The following JMJD1C variants were observed in gnomAD, a reference collection of about 807,000 sequenced individuals.
JMJD1C encodes the protein jumonji domain containing 1C.
Under a neutral mutation model 245.3 loss-of-function variants are expected in JMJD1C, and 31 were observed. The observed-to-expected ratio is 0.13, with a 90% CI of 0.09 to 0.17. The LOEUF is 0.17. JMJD1C is among the 10% of genes least tolerant of loss of function. JMJD1C has a pLI of 1.00. For synonymous variants in JMJD1C, 1,057 were observed against 1,017.4 expected (o/e 1.04, Z -0.74); for missense variants, 2,691 against 3,000.2 (o/e 0.90, Z 2.41).
intron 1 of JMJD1C, among the ~76,000 whole-genome samples, chr10:63,474,714 T>C (rs1448608560): frequency 6.6e-6 from 1 of 152,154 alleles, no homozygotes; most frequent in Non-Finnish European, 1.5e-5. Context: ...CCTCCCAAAG[T>C]GCTGGGACTG....
intron 12 of JMJD1C, 91 bp downstream of exon 12, chr10:63,198,422 A>C: frequency 1.3e-6 from 1 of 784,784 alleles, no homozygotes; most frequent in South Asian, 1.9e-5. Flanking sequence ...TCAAGGTTAG[A>C]TAAGATTAGG....
chr10:63,337,812 G>A (rs937055225), intron 2 of JMJD1C, among the ~76,000 whole-genome samples: 2 of 151,868 alleles, frequency 1.3e-5, no homozygotes, highest in Admixed American at 6.6e-5. Flanking sequence ...CAGAGGTAAG[G>A]TATATTTAGT....
intron 2 of JMJD1C, among the ~76,000 whole-genome samples, chr10:63,294,601 A>C (rs757196852): frequency 6.6e-6 from 1 of 152,192 alleles, no homozygotes; most frequent in Non-Finnish European, 1.5e-5. Flanking sequence ...TCCAAGGCCT[A>C]GTTCAAACAT....
At chr10:63,350,616 CTTTT>C (rs71025164) in intron 2 of JMJD1C, among the ~76,000 whole-genome samples, 2 of 119,376 alleles carry the variant, frequency 1.7e-5, no homozygotes, top group Admixed American at 8.1e-5. Flanking sequence ...GCAGAACCAA[CTTTT>C]TTTTTTTTTT....
chr10:63,500,055 A>G (rs1954495144), intron 1 of JMJD1C, among the ~76,000 whole-genome samples: 1 of 152,254 alleles, frequency 6.6e-6, no homozygotes, highest in Non-Finnish European at 1.5e-5. Context: ...TACTAGGGGT[A>G]AATGTAAATA....
At chr10:63,248,529 G>GATAGATAGATTAAATAAATAAATAA (rs566828473) in intron 3 of JMJD1C, among the ~76,000 whole-genome samples, 6 of 137,058 alleles carry the variant, frequency 4.4e-5, no homozygotes, top group Admixed American at 3.8e-4. Context: ...TCAATAGATA[G>GATAGATAGATTAAATAAATAAATAA]ATAAATAAAT....
intron 1 of JMJD1C, among the ~76,000 whole-genome samples, chr10:63,431,145 C>G (rs1950721999): frequency 6.6e-6 from 1 of 152,130 alleles, no homozygotes; most frequent in Admixed American, 6.5e-5. Flanking sequence ...CCAAGTATAT[C>G]TACTGGTCTG....
intron 2 of JMJD1C, among the ~76,000 whole-genome samples, chr10:63,327,090 G>C (rs1340612367): frequency 8.5e-5 from 13 of 152,136 alleles, no homozygotes; most frequent in Admixed American, 8.5e-4. Flanking sequence ...AGGAGGCTGA[G>C]GTAGGAGAAT....
rs551642996 is a variant in JMJD1C at position 63,484,103 on chromosome 10, C to T, written n.113+37635G>A. Among the ~76,000 whole-genome samples, 237 of 151,962 alleles carry T rather than the reference C, an allele frequency of 1.6e-3. 1 individual carries two copies. The highest frequency in any genetic ancestry group is 2.4e-3 in the Non-Finnish European group (162 of 67,946). ...TCACAGTGATAGGAAGTGACAGAAC[C>T]AGGACTGGATTGCAAGCTTCCAAAG... is the stretch of plus-strand genomic sequence containing the variant. On this transcript the variant is annotated intron_variant and non_coding_transcript_variant, in intron 1 of 3. Coordinates refer to the JMJD1C transcript ENST00000633035.
At chr10:63,175,384 A>G (rs944945745) in intron 24 of JMJD1C, among the ~76,000 whole-genome samples, 3 of 152,238 alleles carry the variant, frequency 2.0e-5, no homozygotes, top group Admixed American at 2.0e-4. Flanking sequence ...ATTTATTATT[A>G]TGACATTTGT....
chr10:63,463,148 T>A (rs1056254268), intron 1 of JMJD1C, among the ~76,000 whole-genome samples: 3 of 152,116 alleles, frequency 2.0e-5, no homozygotes, highest in African/African-American at 7.2e-5. Flanking sequence ...ACATTTTCCA[T>A]ATACTTTCTT....
At chr10:63,355,642 T>C (rs1944774636) in intron 2 of JMJD1C, among the ~76,000 whole-genome samples, 1 of 152,136 alleles carries the variant, frequency 6.6e-6, no homozygotes, top group South Asian at 2.1e-4. Flanking sequence ...AGAGAACTTT[T>C]CCAGTGACAG....
chr10:63,488,541 T>TAAA (rs34776341), intron 1 of JMJD1C, among the ~76,000 whole-genome samples: 3 of 149,218 alleles, frequency 2.0e-5, no homozygotes, highest in Admixed American at 6.7e-5. Flanking sequence ...AAATGAATGT[T>TAAA]AAAAAAAAAA....
At chr10:63,293,803 T>A (rs1029908084) in intron 2 of JMJD1C, among the ~76,000 whole-genome samples, 6 of 151,590 alleles carry the variant, frequency 4.0e-5, no homozygotes, top group African/African-American at 1.5e-4. Flanking sequence ...TTTTTTTCAA[T>A]CTTCCCAGAT....
chr10:63,425,508 G>A (rs999030213), intron 1 of JMJD1C, among the ~76,000 whole-genome samples: 3 of 152,148 alleles, frequency 2.0e-5, no homozygotes, highest in African/African-American at 2.4e-5. Context: ...AAGTCTGGGC[G>A]CAGTGGCTCA....
chr10:63,500,856 G>A (rs1954535628), intron 1 of JMJD1C, among the ~76,000 whole-genome samples: 1 of 151,788 alleles, frequency 6.6e-6, no homozygotes, highest in African/African-American at 2.4e-5. Context: ...TGGATGGATG[G>A]ATAGATAGAT....
Position 63,215,572 on chromosome 10 carries a change from T to C in JMJD1C, c.803A>G (p.Gln268Arg), listed in dbSNP as rs757837342. The change falls in exon 6 of 26, where the codon CAA (glutamine) becomes CGA (arginine). Residue 268 changes from glutamine (Q) to arginine (R), a missense_variant. This residue lies in a region of JMJD1C where 172 missense variants were observed against 240.8 expected (regional missense o/e 0.71). Transcript: ENST00000399262. ...ACATACGTGAACAGCGTTGACGTTT[T>C]GATTGGCACGAGACCTGCGTCGTGA... is the stretch of plus-strand genomic sequence containing the variant. ...ITSRRRSRAN[Q>R]NVNAVHSHYT... 1 of 1,609,988 alleles carries C rather than the reference T, an allele frequency of 6.2e-7. No individual in the cohort carries two copies. The highest frequency in any genetic ancestry group is 1.7e-5 in the Admixed American group (1 of 59,838).
chr10:63,335,840 G>T (rs993302081), intron 2 of JMJD1C, among the ~76,000 whole-genome samples: 2 of 152,020 alleles, frequency 1.3e-5, no homozygotes, highest in African/African-American at 4.8e-5. Flanking sequence ...AAACACTTTG[G>T]CTGGGCACCG....
At chr10:63,326,344 G>A (rs192688017) in intron 2 of JMJD1C, among the ~76,000 whole-genome samples, 53 of 149,122 alleles carry the variant, frequency 3.6e-4, no homozygotes, top group Admixed American at 1.5e-3. Context: ...AAAATACACT[G>A]TACTCCAGCT....
Sources: allele counts gnomAD v4.1 joint callset (sites outside exome capture counted in the v4.1 genomes callset), GRCh38; gene constraint gnomAD v4.1.1; regional missense constraint gnomAD v4.1.1; transcripts MANE v1.5; gene names NCBI Gene and HGNC (gene_info 2026-07-23, HGNC 2026-07-21).